Variants in CEP290 observed in about 807,000 individuals in gnomAD.
The protein encoded by CEP290 is centrosomal protein 290.
Under a neutral mutation model 344.9 loss-of-function variants are expected in CEP290, and 317 were observed. The observed-to-expected ratio is 0.92, with a 90% CI of 0.84 to 1.01. The LOEUF is 1.01. Among genes scored for constraint, CEP290 ranks in the 50% least tolerant of loss-of-function variants. The pLI is 0.00. For missense variants in CEP290, 2,754 were observed against 2,761.4 expected (o/e 1.00, Z 0.06); for synonymous variants, 932 against 895.8 (o/e 1.04, Z -0.72).
At chr12:88,079,744 CCTT>C (rs1384162427) in intron 38 of CEP290, among the ~76,000 whole-genome samples, 2 of 152,082 alleles carry the variant, frequency 1.3e-5, no homozygotes, top group Non-Finnish European at 2.9e-5. Context: ...CTGACCAACT[CCTT>C]CTCACAAAAA....
chr12:88,139,137 A>G lies in CEP290; in HGVS notation c.297+8T>C. 3 of 1,165,378 alleles carry G rather than the reference A, an allele frequency of 2.6e-6. 1 individual carries two copies. The highest frequency in any genetic ancestry group is 3.2e-5 in the South Asian group (2 of 63,042). The allele number at this position is 1,165,378 out of a possible 1,614,324, so 72.2% of individuals were successfully genotyped here. A position where few individuals can be genotyped will look rare whatever the true frequency, so the allele number is the denominator to read the frequency against. ...CAATTACATCCTAGGGAATACAAAA[A>G]GACATACCTCCAGTTCATTTTCCAG... is the stretch of plus-strand genomic sequence containing the variant. On this transcript the variant is annotated splice_region_variant and intron_variant, in intron 5 of 53. Coordinates refer to ENST00000552810, the MANE Select transcript of CEP290 (RefSeq NM_025114.4).
chr12:88,086,398 G>T lies in CEP290; in HGVS notation c.4295C>A (p.Ala1432Glu). The change falls in exon 33 of 54, where the codon GCA becomes GAA. Residue 1432 changes from alanine (A) to glutamate (E), a missense_variant. Physicochemically the swap from Ala to Glu is moderately radical, Grantham distance 107 (BLOSUM62 -1). Coordinates refer to ENST00000552810, the MANE Select transcript of CEP290 (RefSeq NM_025114.4). Reference sequence around the variant, plus strand: ...AAGATTAATCATTCATACCTTTTGTGCCGCATTTAGTATTTCATTTTGCTG... The same window carrying T: ...AAGATTAATCATTCATACCTTTTGTTCCGCATTTAGTATTTCATTTTGCTG... ...DRQQNEILNA[A>E]QKFEEATGSI... The T allele has an allele frequency of 6.3e-7, 1 of 1,583,008 alleles. No homozygotes were observed. The highest frequency in any genetic ancestry group is 8.6e-7 in the Non-Finnish European group (1 of 1,162,028).
At chr12:88,079,050 AT>A in intron 39 of CEP290, 41 bp downstream of exon 39, 1 of 1,486,542 alleles carries the variant, frequency 6.7e-7, no homozygotes. Context: ...TCCAATAGGA[AT>A]TATCAGAAAT....
intron 10 of CEP290, among the ~76,000 whole-genome samples, 154 bp downstream of exon 10, chr12:88,129,540 A>AT (rs1182078898): frequency 6.6e-6 from 1 of 151,938 alleles, no homozygotes; most frequent in East Asian, 1.9e-4. Context: ...GGAGAAACAC[A>AT]TATGGACAAA....
Position 88,064,091 on chromosome 12 carries a change from G to A in CEP290, c.6160C>T (p.His2054Tyr), listed in dbSNP as rs1480157966. The A allele has an allele frequency of 6.4e-7, 1 of 1,573,956 alleles. No homozygotes were observed. The highest frequency in any genetic ancestry group is 2.3e-5 in the East Asian group (1 of 43,630). The change falls in exon 45 of 54, where the codon CAT (histidine) becomes TAT (tyrosine). Residue 2054 changes from histidine (H) to tyrosine (Y), a missense_variant. Physicochemically the swap from His to Tyr is moderately conservative, Grantham distance 83 (BLOSUM62 2). Coordinates refer to ENST00000552810, the MANE Select transcript of CEP290 (RefSeq NM_025114.4). ...TGAAGCTCCTGTTCTCTCTGACAAT[G>A]ATCATCTGACTCTATTCCTGAAATC... The part of the protein sequence containing the change: ...PSISGIESDD[H>Y]CQREQELQKE...
chr12:88,131,152 T>C lies in CEP290; in HGVS notation c.495+13A>G. 6.6e-7 allele frequency: 1 copy of C among 1,508,508 alleles called. No homozygotes were observed. Among genetic ancestry groups the C allele is most frequent in the South Asian group, 1.4e-5 (1 of 72,900 alleles). The allele number at this position is 1,508,508 out of a possible 1,614,324, so 93.4% of individuals were successfully genotyped here. A position where few individuals can be genotyped will look rare whatever the true frequency, so the allele number is the denominator to read the frequency against. ...ACCTTTGTTGAACCACCACAACTACTAAAATTTTTTACCTCTCTTCTTAAT... is the reference window on the plus strand; with the variant it reads ...ACCTTTGTTGAACCACCACAACTACCAAAATTTTTTACCTCTCTTCTTAAT... On this transcript the variant is annotated intron_variant, in intron 7 of 53. Transcript: ENST00000552810.
intron 6 of CEP290, chr12:88,135,560 G>C (rs2040311074): frequency 6.6e-6 from 1 of 152,102 alleles, no homozygotes; most frequent in South Asian, 2.1e-4. Context: ...CATTTAAGTG[G>C]CATCGATCCA....
intron 37 of CEP290, among the ~76,000 whole-genome samples, chr12:88,082,409 G>C (rs956470040): frequency 6.6e-6 from 1 of 152,122 alleles, no homozygotes; most frequent in African/African-American, 2.4e-5. Flanking sequence ...TAAAGATGAT[G>C]AGGCTGGGTG....
chr12:88,125,207 A>G (rs1049761545), intron 13 of CEP290, 39 bp downstream of exon 13: 2 of 595,070 alleles, frequency 3.4e-6, no homozygotes. Context: ...CGTTAAAAAC[A>G]TAATTGTATA....
At chr12:88,099,191 C>T (rs1359196547) in intron 26 of CEP290, among the ~76,000 whole-genome samples, 1 of 152,094 alleles carries the variant, frequency 6.6e-6, no homozygotes, top group East Asian at 1.9e-4. Flanking sequence ...ACATAAATTA[C>T]ATTTGGAAAA....
chr12:88,064,159 T>C (rs778494703), intron 44 of CEP290, 44 bp from the exon 45 acceptor site: 17 of 1,443,318 alleles, frequency 1.2e-5, no homozygotes, highest in South Asian at 1.4e-5. Context: ...GTTTAATAAA[T>C]AAAAGCCATA....
In CEP290 at chr12:88,141,341, CA is replaced by C. The variant is rs781221626; in HGVS notation, c.-27-8del. The C allele has an allele frequency of 5.0e-6, 7 of 1,408,224 alleles. No homozygotes were observed. The highest frequency in any genetic ancestry group is 6.9e-6 in the Non-Finnish European group (7 of 1,009,740). The allele number at this position is 1,408,224 out of a possible 1,614,324, so 87.2% of individuals were successfully genotyped here. ...CTTTCACTGTGCTCCACCTCTGTAA[CA>C]AAACAGGTGTATATTAGCATTTTCA... On this transcript the variant is annotated splice_polypyrimidine_tract_variant and splice_region_variant and intron_variant, in intron 1 of 53. Transcript: ENST00000552810.
At chr12:88,136,886 T>C (rs1223407658) in intron 5 of CEP290, 100 bp from the exon 6 acceptor site, 12 of 1,080,970 alleles carry the variant, frequency 1.1e-5, no homozygotes, top group African/African-American at 1.6e-5. Flanking sequence ...TAAATTTGCA[T>C]TATACTTCAG....
intron 26 of CEP290, among the ~76,000 whole-genome samples, chr12:88,098,289 A>C (rs2037594238): frequency 6.8e-6 from 1 of 147,468 alleles, no homozygotes; most frequent in African/African-American, 2.5e-5. Flanking sequence ...TGGGCAACAG[A>C]GCAAAACTCC....
rs561018129 is a variant in CEP290, at chr12:88,118,525, G to C, written c.1669C>G (p.Arg557Gly). 8 of 1,573,962 alleles carry C rather than the reference G, an allele frequency of 5.1e-6. No individual in the cohort carries two copies. The highest frequency in any genetic ancestry group is 6.9e-6 in the Non-Finnish European group (8 of 1,157,870). Residue 557 changes from arginine to glycine, a missense_variant, in exon 17 of 54, where the codon CGT becomes GGT. Transcript: ENST00000552810. ...EERLDLKKKI[R>G]QMAQERGKRS... ...TTTCCTCTTTCTTGAGCCATTTGAC[G>C]AATTTTTTTTTTCAGATCAAGTCGT...
At chr12:88,093,046 A>C (rs1398603995) in intron 28 of CEP290, among the ~76,000 whole-genome samples, 2 of 152,102 alleles carry the variant, frequency 1.3e-5, no homozygotes, top group Non-Finnish European at 2.9e-5. Context: ...CAATCCACCA[A>C]AAGTCATTTT....
intron 49 of CEP290, chr12:88,057,817 C>T (rs1428310581): frequency 6.6e-6 from 1 of 152,214 alleles, no homozygotes; most frequent in East Asian, 1.9e-4. Flanking sequence ...CCTCACGGTA[C>T]TAAGACTCCC....
rs568756953 is a variant in CEP290 at position 88,108,256 on chromosome 12, C to T, written c.2483+810G>A. 5.9e-5 allele frequency among the ~76,000 whole-genome samples: 9 copies of T among 152,226 alleles called. No homozygotes were observed. The South Asian group carries it at 1.9e-3, about 32-fold the overall frequency. ...TGCAACTGAATGGTTCAGACTTGGA[C>T]ATGTGATCCAATTCTAGCAAATGAG... On this transcript the variant is annotated intron_variant, in intron 23 of 53. Coordinates refer to ENST00000552810, the MANE Select transcript of CEP290 (RefSeq NM_025114.4).
chr12:88,089,418 C>T lies in CEP290; in HGVS notation c.3643G>A (p.Ala1215Thr), dbSNP rs1308720371. The change falls in exon 31 of 54, where the codon GCT becomes ACT. Residue 1215 changes from alanine (A) to threonine (T), a missense_variant. Physicochemically the swap from Ala to Thr is moderately conservative, Grantham distance 58 (BLOSUM62 0). Coordinates refer to ENST00000552810, the MANE Select transcript of CEP290 (RefSeq NM_025114.4). ...GACTCCAACTTACCAAGAGCAGTAGCCTCACTCAGTTGAAGAGAGACATTA... is the reference window on the plus strand; with the variant it reads ...GACTCCAACTTACCAAGAGCAGTAGTCTCACTCAGTTGAAGAGAGACATTA... The part of the protein sequence containing the change: ...QHNVSLQLSE[A>T]TALGKLESIT... 1.7e-5 allele frequency: 27 copies of T among 1,609,390 alleles called. No homozygotes were observed. Among genetic ancestry groups the T allele is most frequent in the Non-Finnish European group, 2.3e-5 (27 of 1,177,318 alleles).
Sources: gnomAD v4.1 joint callset for allele counts (sites outside exome capture counted in the v4.1 genomes callset) on GRCh38, gnomAD v4.1.1 for gene constraint, MANE v1.5 for transcripts, NCBI Gene and HGNC (gene_info 2026-07-23, HGNC 2026-07-21) for gene names.